PRKG1: variants seen among roughly 807,000 people sequenced by gnomAD.
PRKG1 encodes the protein cGMP-dependent protein kinase 1.
Under a neutral mutation model 88.1 loss-of-function variants are expected in PRKG1, and 35 were observed. The ratio of observed to expected loss-of-function variants is 0.40; its 90% CI spans 0.30 to 0.53. The LOEUF (loss-of-function observed/expected upper bound fraction) is 0.53. PRKG1 is among the 20% of genes least tolerant of loss of function. PRKG1 has a pLI of 0.59. For missense variants in PRKG1, 540 were observed against 839.8 expected, an observed-to-expected ratio of 0.64 and a Z score of 4.41; for synonymous variants, 303 against 292.5, an observed-to-expected ratio of 1.04 and a Z score of -0.37.
chr10:51,414,527 A>C (rs185455377), intron 2 of PRKG1, among the ~76,000 whole-genome samples: 1 of 152,292 alleles, frequency 6.6e-6, no homozygotes, highest in Admixed American at 6.5e-5. Flanking sequence ...TCTGAATTGG[A>C]GTCATTTTGG....
chr10:51,172,622 A>G (rs1248149130), intron 2 of PRKG1, among the ~76,000 whole-genome samples: 2 of 55,654 alleles, frequency 3.6e-5, no homozygotes, highest in African/African-American at 1.3e-4. Context: ...GTATGTATGT[A>G]TGTATGTATG....
rs149044934 is a variant in PRKG1 at position 51,925,540 on chromosome 10, G to A, written c.762+17970G>A. Among the ~76,000 whole-genome samples, 756 of 152,182 alleles carry A rather than the reference G, an allele frequency of 5.0e-3. 5 individuals are homozygous for A. The highest frequency in any genetic ancestry group is 0.034 in the Middle Eastern group (10 of 294). ...GGACTGGGTATTTGCCTTCTTCCAG[G>A]TTGGTTAATCCTTGATAAAATCCCA... On this transcript the variant is annotated intron_variant, in intron 5 of 17. Transcript: ENST00000373980.
chr10:51,792,326 C>A (rs1838889187), intron 3 of PRKG1, among the ~76,000 whole-genome samples: 1 of 151,974 alleles, frequency 6.6e-6, no homozygotes, highest in African/African-American at 2.4e-5. Flanking sequence ...AAAAAAATTC[C>A]TTTTTTTCCC....
At chr10:51,000,916 C>T (rs1323579367) in intron 1 of PRKG1, among the ~76,000 whole-genome samples, 3 of 152,054 alleles carry the variant, frequency 2.0e-5, no homozygotes, top group East Asian at 1.9e-4. Flanking sequence ...GAATTCTGGC[C>T]GAGTTCTCTC....
At chr10:52,045,881 G>T (rs1845852135) in intron 5 of PRKG1, among the ~76,000 whole-genome samples, 2 of 151,976 alleles carry the variant, frequency 1.3e-5, no homozygotes, top group Admixed American at 1.3e-4. Flanking sequence ...GTTCTTGCAG[G>T]GAGGAGAAAG....
chr10:51,670,725 G>A (rs1735681704), intron 3 of PRKG1, among the ~76,000 whole-genome samples: 1 of 144,340 alleles, frequency 6.9e-6, no homozygotes. Flanking sequence ...GACAGAGCGA[G>A]ACTCCGTCTC....
chr10:51,192,820 G>A (rs1340804963), intron 2 of PRKG1, among the ~76,000 whole-genome samples: 4 of 151,896 alleles, frequency 2.6e-5, no homozygotes, highest in Admixed American at 6.6e-5. Flanking sequence ...ACATCACGTA[G>A]AATGGCCATT....
intron 3 of PRKG1, among the ~76,000 whole-genome samples, chr10:51,716,934 G>A (rs555452078): frequency 5.3e-5 from 8 of 152,146 alleles, no homozygotes; most frequent in Non-Finnish European, 1.0e-4. Context: ...CTGACCTCAA[G>A]TGATCCACCT....
intron 2 of PRKG1, among the ~76,000 whole-genome samples, chr10:51,353,998 A>G (rs531961070): frequency 6.6e-6 from 1 of 152,292 alleles, no homozygotes; most frequent in East Asian, 1.9e-4. Flanking sequence ...TTACAACAAC[A>G]TGGATGGAAC....
intron 5 of PRKG1, among the ~76,000 whole-genome samples, chr10:51,933,382 G>T (rs1842734754): frequency 6.6e-6 from 1 of 151,724 alleles, no homozygotes; most frequent in Non-Finnish European, 1.5e-5. Flanking sequence ...ATTTTATCTG[G>T]TCCCATTATT....
At chr10:51,767,609 A>G (rs748648988) in intron 3 of PRKG1, among the ~76,000 whole-genome samples, 16 of 151,782 alleles carry the variant, frequency 1.1e-4, no homozygotes, top group Non-Finnish European at 1.6e-4. Flanking sequence ...CACATTATGT[A>G]ATTTCTCTAG....
At chr10:52,145,748 C>T (rs933091223) in intron 8 of PRKG1, among the ~76,000 whole-genome samples, 6 of 152,094 alleles carry the variant, frequency 3.9e-5, no homozygotes, top group African/African-American at 9.7e-5. Flanking sequence ...ATTACAGGCC[C>T]AGCTGGGTCA....
rs1320277146 is a variant in PRKG1 at position 51,967,085 on chromosome 10, T to A, written c.762+59515T>A. ...GTATATACCCAAAGGATTATAAATGTTGCTGCTATAAAGACACATGCACAC... is the reference window on the plus strand; with the variant it reads ...GTATATACCCAAAGGATTATAAATGATGCTGCTATAAAGACACATGCACAC... On this transcript the variant is annotated intron_variant, in intron 5 of 17. Coordinates refer to ENST00000373980, the MANE Select transcript of PRKG1 (RefSeq NM_006258.4). 2.0e-5 allele frequency among the ~76,000 whole-genome samples: 3 copies of A among 152,200 alleles called. No individual in the cohort carries two copies. The East Asian group carries it at 5.8e-4, about 29-fold the overall frequency.
intron 3 of PRKG1, among the ~76,000 whole-genome samples, chr10:51,785,553 G>A (rs987692102): frequency 2.0e-4 from 30 of 152,126 alleles, no homozygotes; most frequent in African/African-American, 6.7e-4. Flanking sequence ...ATTGATTGAC[G>A]TTGAAGATTT....
At chr10:51,096,178 A>G (rs1844522096) in intron 1 of PRKG1, among the ~76,000 whole-genome samples, 1 of 152,098 alleles carries the variant, frequency 6.6e-6, no homozygotes, top group Non-Finnish European at 1.5e-5. Flanking sequence ...ATTGGAAGGA[A>G]AGGGAAAGAG....
At chr10:52,038,611 G>C (rs973475476) in intron 5 of PRKG1, among the ~76,000 whole-genome samples, 4 of 152,040 alleles carry the variant, frequency 2.6e-5, no homozygotes, top group African/African-American at 7.3e-5. Flanking sequence ...AGAAGGGGTA[G>C]AGACAAGGAG....
chr10:51,556,486 G>A (rs1479958035), intron 3 of PRKG1, among the ~76,000 whole-genome samples: 2 of 151,742 alleles, frequency 1.3e-5, no homozygotes, highest in Non-Finnish European at 2.9e-5. Context: ...CCCAACCTAG[G>A]TGCTCATCAA....
At chr10:52,267,811 G>C (rs533644137) in intron 10 of PRKG1, among the ~76,000 whole-genome samples, 5 of 152,026 alleles carry the variant, frequency 3.3e-5, no homozygotes, top group Non-Finnish European at 7.4e-5. Context: ...CAGTTGCATT[G>C]CATGGATATA....
chr10:52,088,216 T>G (rs978621167), intron 7 of PRKG1, among the ~76,000 whole-genome samples: 1 of 152,000 alleles, frequency 6.6e-6, no homozygotes, highest in Non-Finnish European at 1.5e-5. Flanking sequence ...AATTTAAAAA[T>G]TTGAAAAACT....
Sources: allele counts gnomAD v4.1 joint callset (sites outside exome capture counted in the v4.1 genomes callset), GRCh38; gene constraint gnomAD v4.1.1; transcripts MANE v1.5; gene names NCBI Gene and HGNC (gene_info 2026-07-23, HGNC 2026-07-21).